The following HAAO variants were observed in gnomAD, a reference collection of about 807,000 sequenced individuals.
HAAO encodes the protein 3-hydroxyanthranilate 3,4-dioxygenase.
HAAO carries 49 observed loss-of-function variants against 46.2 expected under a neutral mutation model. The observed-to-expected ratio is 1.06, with a 90% CI of 0.84 to 1.34. The LOEUF (loss-of-function observed/expected upper bound fraction) is 1.34, where lower values mean the gene tolerates loss of function less well. HAAO is among the 40% of genes most tolerant of loss of function. The pLI, the probability that HAAO is intolerant of heterozygous loss-of-function variation, is 0.00. For synonymous variants in HAAO, 157 were observed against 145.2 expected, an observed-to-expected ratio of 1.08 and a Z score of -0.58; for missense variants, 408 against 364.5, an observed-to-expected ratio of 1.12 and a Z score of -0.97.
At chr2:42,770,347 G>T in intron 5 of HAAO, 146 bp downstream of exon 5, 1 of 871,084 alleles carries the variant, frequency 1.1e-6, no homozygotes, top group Non-Finnish European at 1.8e-6. Context: ...TCCCAGCGGG[G>T]CTGCTGCTCC....
At chr2:42,777,703 G>A (rs761840271) in intron 4 of HAAO, among the ~76,000 whole-genome samples, 7 of 151,996 alleles carry the variant, frequency 4.6e-5, no homozygotes, top group Non-Finnish European at 1.0e-4. Context: ...ATAAATACTT[G>A]TAGACAAACT....
At chr2:42,774,416 C>T (rs1488998117) in intron 4 of HAAO, among the ~76,000 whole-genome samples, 1 of 152,096 alleles carries the variant, frequency 6.6e-6, no homozygotes, top group Non-Finnish European at 1.5e-5. Flanking sequence ...GTGGGAGCAC[C>T]CCCTCTAGAG....
chr2:42,768,953 C>G (rs1012154424), intron 7 of HAAO, among the ~76,000 whole-genome samples: 1 of 152,220 alleles, frequency 6.6e-6, no homozygotes, highest in African/African-American at 2.4e-5. Flanking sequence ...CATGCTCATG[C>G]TTCTCCCTCA....
chr2:42,770,218 G>T, intron 5 of HAAO, 32 bp from the exon 6 acceptor site: 1 of 1,576,460 alleles, frequency 6.3e-7, no homozygotes, highest in Non-Finnish European at 8.6e-7. Context: ...AGCAGGAGTG[G>T]CGAGCACTCC....
At chr2:42,784,130 C>A (rs1336457479) in intron 2 of HAAO, among the ~76,000 whole-genome samples, 1 of 152,262 alleles carries the variant, frequency 6.6e-6, no homozygotes, top group Non-Finnish European at 1.5e-5. Flanking sequence ...GGCTGGCGGG[C>A]AGGAACTGGA....
rs1271838354 is a variant in HAAO, at chr2:42,782,772, C to T, written c.350+542G>A. 2.0e-5 allele frequency: 7 copies of T among 344,798 alleles called. 1 individual carries two copies. Among genetic ancestry groups the T allele is most frequent in the Admixed American group, 3.7e-5 (1 of 27,170 alleles). The allele number at this position is 344,798 out of a possible 1,614,324, so 21.4% of individuals were successfully genotyped here. A position where few individuals can be genotyped will look rare whatever the true frequency, so the allele number is the denominator to read the frequency against. On this transcript the variant is annotated intron_variant, in intron 4 of 9. Coordinates refer to ENST00000294973, the MANE Select transcript of HAAO (RefSeq NM_012205.3). ...CCATTTGTCTCTTATCTACCTGTGA[C>T]CTGGAAGCCCCCTTCCCACTTTGAG...
At chr2:42,769,604 T>A (rs1030432462) in intron 7 of HAAO, 109 bp downstream of exon 7, 31 of 726,268 alleles carry the variant, frequency 4.3e-5, no homozygotes, top group African/African-American at 3.3e-4. Flanking sequence ...TGTGTGTGTG[T>A]GAGTGTGTGT....
chr2:42,775,728 G>C (rs1671516353), intron 4 of HAAO, among the ~76,000 whole-genome samples: 1 of 151,992 alleles, frequency 6.6e-6, no homozygotes, highest in South Asian at 2.1e-4. Context: ...GTAGCCTGGG[G>C]TTTCTTAAAG....
chr2:42,784,020 G>C lies in HAAO; in HGVS notation c.160-153C>G. ...CTCCGTCACTTCTGTCCTGAGGCCT[G>C]TCTCCCCGGTGCATGCCATGGAGTG... On this transcript the variant is annotated intron_variant, in intron 2 of 9. Transcript: ENST00000294973. 4.4e-6 allele frequency: 4 copies of C among 910,774 alleles called. No individual in the cohort carries two copies. The South Asian group carries it at 1.5e-4, about 34-fold the overall frequency. 56.4% of individuals were successfully genotyped at this position (910,774 alleles called of 1,614,324 possible). A position where few individuals can be genotyped will look rare whatever the true frequency, so the allele number is the denominator to read the frequency against.
chr2:42,768,372 A>C (rs1035887569), intron 7 of HAAO, among the ~76,000 whole-genome samples: 1 of 152,200 alleles, frequency 6.6e-6, no homozygotes, highest in Admixed American at 6.5e-5. Flanking sequence ...GCACACAGCT[A>C]CTGTGCAGGG....
intron 4 of HAAO, among the ~76,000 whole-genome samples, chr2:42,774,652 C>G (rs1284517374): frequency 6.6e-6 from 1 of 152,062 alleles, no homozygotes; most frequent in East Asian, 1.9e-4. Context: ...GAGCCTGAGA[C>G]CCATCCCTAG....
rs755640626 is a variant in HAAO, at chr2:42,770,486, G to A, written c.440+7C>T. 21 of 1,539,268 alleles carry A rather than the reference G, an allele frequency of 1.4e-5. No homozygotes were observed. The Admixed American group carries it at 3.2e-4, about 23-fold the overall frequency. ...AGCAAGAGGCAGGGGCTGGGCTGGG[G>A]GCTCACTCCTGGATGATGGGGGCCA... On this transcript the variant is annotated splice_region_variant and intron_variant, in intron 5 of 9. Transcript: ENST00000294973.
intron 4 of HAAO, among the ~76,000 whole-genome samples, chr2:42,771,258 A>T (rs930251658): frequency 6.6e-6 from 1 of 151,842 alleles, no homozygotes; most frequent in Non-Finnish European, 1.5e-5. Context: ...ATAGCCAGGC[A>T]TAACAAAAGA....
At chr2:42,791,710 T>C (rs1408110897) in intron 1 of HAAO, among the ~76,000 whole-genome samples, 1 of 152,156 alleles carries the variant, frequency 6.6e-6, no homozygotes, top group African/African-American at 2.4e-5. Flanking sequence ...CTACTGACCA[T>C]GTCCTGTGGA....
intron 2 of HAAO, among the ~76,000 whole-genome samples, chr2:42,785,243 T>G (rs1672301275): frequency 6.6e-6 from 1 of 152,154 alleles, no homozygotes; most frequent in African/African-American, 2.4e-5. Flanking sequence ...TTAGTATTGA[T>G]GATGGTAAGA....
At chr2:42,785,548 G>A (rs1407647018) in intron 2 of HAAO, among the ~76,000 whole-genome samples, 1 of 152,058 alleles carries the variant, frequency 6.6e-6, no homozygotes, top group Non-Finnish European at 1.5e-5. Context: ...TTTCTACAAG[G>A]AACAATGTTT....
At chr2:42,779,404 C>T (rs1301565028) in intron 4 of HAAO, among the ~76,000 whole-genome samples, 2 of 152,080 alleles carry the variant, frequency 1.3e-5, no homozygotes, top group South Asian at 2.1e-4. Context: ...TCATTGCAAC[C>T]TCCGCCTCCC....
intron 1 of HAAO, among the ~76,000 whole-genome samples, chr2:42,790,139 GC>G (rs1573962705): frequency 2.0e-5 from 3 of 152,276 alleles, no homozygotes; most frequent in African/African-American, 7.2e-5. Context: ...CCTGTGGGCT[GC>G]TTTCCAGCCC....
rs768070145 is a variant in HAAO, at chr2:42,767,467, C to G, written c.831G>C (p.Gln277His). The G allele has an allele frequency of 6.2e-7, 1 of 1,613,428 alleles. No homozygotes were observed. Among genetic ancestry groups the G allele is most frequent in the Non-Finnish European group, 8.5e-7 (1 of 1,179,772 alleles). ...CCAGGGGCTTCTTGCAGGCAGGGTC[C>G]TGGGTCACAGACAGGGCCACAGAGC... ...TQGSVALSVT[Q>H]DPACKKPLG Residue 277 changes from glutamine (Q) to histidine (H), a missense_variant, in exon 10 of 10, where the codon CAG becomes CAC. Transcript: ENST00000294973.
Sources: gnomAD v4.1 joint callset for allele counts (sites outside exome capture counted in the v4.1 genomes callset) on GRCh38, gnomAD v4.1.1 for gene constraint, MANE v1.5 for transcripts, NCBI Gene and HGNC (gene_info 2026-07-23, HGNC 2026-07-21) for gene names.